The following RAD54L2 variants were observed in gnomAD, a reference collection of about 807,000 sequenced individuals.
The protein encoded by RAD54L2 is helicase ARIP4.
A neutral mutation model predicts 138.4 loss-of-function variants in RAD54L2; 27 were observed. That is an observed-to-expected ratio of 0.20 (90% confidence interval 0.14 to 0.27). The LOEUF (loss-of-function observed/expected upper bound fraction) is 0.27. Among genes scored for constraint, RAD54L2 ranks in the 10% least tolerant of loss-of-function variants. RAD54L2 has a pLI of 1.00. For synonymous variants in RAD54L2, 644 were observed against 723.2 expected, an observed-to-expected ratio of 0.89 and a Z score of 1.76; for missense variants, 1,396 against 1,890.2, an observed-to-expected ratio of 0.74 and a Z score of 4.85.
intron 3 of RAD54L2, among the ~76,000 whole-genome samples, chr3:51,593,822 A>C (rs916142862): frequency 2.0e-5 from 3 of 151,618 alleles, no homozygotes; most frequent in Non-Finnish European, 4.4e-5. Flanking sequence ...TTTTGGGTTT[A>C]TTTTGCCTTT....
intron 2 of RAD54L2, among the ~76,000 whole-genome samples, chr3:51,588,404 G>A (rs1171918810): frequency 1.4e-5 from 2 of 147,860 alleles, no homozygotes; most frequent in African/African-American, 2.5e-5. Flanking sequence ...GTGTGGTGGT[G>A]CACACCTGTA....
intron 2 of RAD54L2, among the ~76,000 whole-genome samples, chr3:51,580,018 T>TATCTA (rs1169949971): frequency 3.3e-5 from 5 of 152,010 alleles, no homozygotes; most frequent in Non-Finnish European, 2.9e-5. Context: ...ACCAACTAGA[T>TATCTA]GTTCAACAGT....
At chr3:51,593,114 C>T (rs1013034527) in intron 3 of RAD54L2, among the ~76,000 whole-genome samples, 2 of 151,922 alleles carry the variant, frequency 1.3e-5, no homozygotes, top group East Asian at 1.9e-4. Context: ...TCTTAGGGAA[C>T]AGTTTACAAT....
intron 2 of RAD54L2, among the ~76,000 whole-genome samples, chr3:51,547,340 T>C (rs553864299): frequency 6.7e-6 from 1 of 150,298 alleles, no homozygotes; most frequent in Non-Finnish European, 1.5e-5. Flanking sequence ...TGTGCCACTA[T>C]CCTCCAGCCT....
At chr3:51,540,949 A>C (rs1698532988) in intron 1 of RAD54L2, among the ~76,000 whole-genome samples, 1 of 151,630 alleles carries the variant, frequency 6.6e-6, no homozygotes. Flanking sequence ...GCAGAGGGAC[A>C]AGAATCACTT....
At chr3:51,659,353 C>T (rs1168695426) in intron 21 of RAD54L2, among the ~76,000 whole-genome samples, 1 of 152,138 alleles carries the variant, frequency 6.6e-6, no homozygotes, top group Middle Eastern at 3.2e-3. Context: ...GATCCACCCG[C>T]CTCGGCCTCC....
chr3:51,640,034 C>A, intron 14 of RAD54L2, 35 bp downstream of exon 14: 1 of 1,485,604 alleles, frequency 6.7e-7, no homozygotes, highest in South Asian at 1.2e-5. Context: ...GGCTGTGTGT[C>A]TATGGTAAAG....
intron 21 of RAD54L2, 122 bp downstream of exon 21, chr3:51,657,791 A>G: frequency 1.4e-6 from 1 of 690,408 alleles, no homozygotes. Flanking sequence ...AGGATGTCAC[A>G]TTCCGGAACT....
intron 19 of RAD54L2, among the ~76,000 whole-genome samples, chr3:51,647,559 C>T (rs1701313156): frequency 6.6e-6 from 1 of 152,080 alleles, no homozygotes; most frequent in African/African-American, 2.4e-5. Context: ...ATCCCAGCTA[C>T]TCGGGAGGCT....
chr3:51,643,909 G>T lies in RAD54L2; in HGVS notation c.2385G>T (p.Glu795Asp). The T allele has an allele frequency of 6.2e-7, 1 of 1,608,128 alleles. No individual in the cohort carries two copies. The change falls in exon 16 of 23, where the codon GAG (glutamate) becomes GAT (aspartate). Residue 795 changes from glutamate to aspartate, a missense_variant. Transcript: ENST00000684192. ...GTAGCACCCCTGCCTTTGAGAGGGA[G>T]CGGCTTATTAATCAGTTCAATGATC... is the stretch of plus-strand genomic sequence containing the variant. ...LDGSTPAFER[E>D]RLINQFNDPS...
chr3:51,627,897 A>G, intron 4 of RAD54L2, 143 bp downstream of exon 4: 2 of 910,770 alleles, frequency 2.2e-6, no homozygotes, highest in Non-Finnish European at 3.3e-6. Flanking sequence ...GTCTTCATTA[A>G]TAGTGAAGGT....
At chr3:51,609,974 T>TAAA (rs35703301) in intron 3 of RAD54L2, among the ~76,000 whole-genome samples, 1 of 149,046 alleles carries the variant, frequency 6.7e-6, no homozygotes, top group African/African-American at 2.5e-5. Flanking sequence ...GGATTTGGGG[T>TAAA]AAAAAAAAAA....
chr3:51,557,896 T>C (rs1699011123), intron 2 of RAD54L2, among the ~76,000 whole-genome samples: 1 of 151,764 alleles, frequency 6.6e-6, no homozygotes, highest in Non-Finnish European at 1.5e-5. Flanking sequence ...TCTCGCTCTG[T>C]TGCAGTGGCA....
chr3:51,658,288 A>C (rs1215506067), intron 21 of RAD54L2, among the ~76,000 whole-genome samples: 6 of 152,144 alleles, frequency 3.9e-5, no homozygotes, highest in Admixed American at 3.3e-4. Flanking sequence ...AAGGAGACCA[A>C]AATTGGAGGG....
chr3:51,658,947 T>G (rs909072596), intron 21 of RAD54L2, among the ~76,000 whole-genome samples: 4 of 152,130 alleles, frequency 2.6e-5, no homozygotes, highest in African/African-American at 9.7e-5. Flanking sequence ...TTTTGTGACG[T>G]GAAATTATAT....
chr3:51,569,982 A>T (rs1359720186), intron 2 of RAD54L2, among the ~76,000 whole-genome samples: 2 of 151,474 alleles, frequency 1.3e-5, no homozygotes, highest in Admixed American at 1.3e-4. Flanking sequence ...ACGGACGTGC[A>T]CCACTATGCC....
intron 21 of RAD54L2, 104 bp from the exon 22 acceptor site, chr3:51,659,921 TA>T: frequency 1.4e-6 from 1 of 726,856 alleles, no homozygotes; most frequent in Non-Finnish European, 2.3e-6. Flanking sequence ...ATGGTATACC[TA>T]ATTGTATAGC....
chr3:51,646,154 C>A, intron 18 of RAD54L2, 131 bp from the exon 19 acceptor site: 2 of 790,058 alleles, frequency 2.5e-6, no homozygotes, highest in Admixed American at 2.9e-5. Context: ...AGACAGTAAA[C>A]CTGCCTGTGT....
rs563155697 is a variant in RAD54L2 at position 51,566,948 on chromosome 3, G to A, written c.-54-23419G>A. On this transcript the variant is annotated intron_variant, in intron 2 of 22. Transcript: ENST00000684192. ...TCTCCATCCTCCAACCTAGGTTGATGCAGCTTTTATGTTGTCTTCTGTATT... is the reference window on the plus strand; with the variant it reads ...TCTCCATCCTCCAACCTAGGTTGATACAGCTTTTATGTTGTCTTCTGTATT... Among the ~76,000 whole-genome samples the A allele has an allele frequency of 9.9e-5, 15 of 152,226 alleles. No individual in the cohort carries two copies. The East Asian group carries it at 2.7e-3, about 27-fold the overall frequency.
Sources: allele counts gnomAD v4.1 joint callset (sites outside exome capture counted in the v4.1 genomes callset), GRCh38; gene constraint gnomAD v4.1.1; transcripts MANE v1.5; gene names NCBI Gene and HGNC (gene_info 2026-07-23, HGNC 2026-07-21).